CDON: variants seen among roughly 807,000 people sequenced by gnomAD.
CDON encodes cell adhesion molecule-related/down-regulated by oncogenes.
A neutral mutation model predicts 120.9 loss-of-function variants in CDON; 73 were observed. That is an observed-to-expected ratio of 0.60 (90% CI 0.50 to 0.73). CDON has a LOEUF of 0.73. Among genes scored for constraint, CDON ranks in the 30% least tolerant of loss-of-function variants. The pLI is 0.00. For missense variants in CDON, 1,470 were observed against 1,587.3 expected, an observed-to-expected ratio of 0.93 and a Z score of 1.26; for synonymous variants, 566 against 573.5, an observed-to-expected ratio of 0.99 and a Z score of 0.19.
At chr11:125,978,886 A>C (rs1946215793) in intron 17 of CDON, among the ~76,000 whole-genome samples, 1 of 152,192 alleles carries the variant, frequency 6.6e-6, no homozygotes, top group Admixed American at 6.5e-5. Flanking sequence ...TGACAACGCT[A>C]AGTTTTAAAG....
intron 1 of CDON, among the ~76,000 whole-genome samples, chr11:126,033,178 G>C (rs1189532326): frequency 6.6e-6 from 1 of 152,220 alleles, no homozygotes; most frequent in Non-Finnish European, 1.5e-5. Context: ...AAGTGAGTGA[G>C]TGGATGATGT....
rs754427331 is a variant in CDON, at chr11:125,994,928, T to C, written c.2487A>G (p.Gly829=). The change falls in exon 13 of 20, where the codon GGA becomes GGG. Residue 829 remains glycine (G), a synonymous_variant. Coordinates refer to ENST00000531738, the MANE Select transcript of CDON (RefSeq NM_001378964.1). ...PNRFSSRPIT[G]PHIAYTEAVS... is the part of the protein sequence containing the mutation. Reference sequence around the variant, plus strand: ...CAGCCTCTGTGTATGCAATGTGAGGTCCAGTTATTGGACGGCTGGAAAAGC... The same window carrying C: ...CAGCCTCTGTGTATGCAATGTGAGGCCCAGTTATTGGACGGCTGGAAAAGC... The C allele has an allele frequency of 5.6e-6, 9 of 1,614,050 alleles. No individual in the cohort carries two copies. The highest frequency in any genetic ancestry group is 7.6e-6 in the Non-Finnish European group (9 of 1,179,984).
At position 126,010,638 on chromosome 11, in the gene CDON, C is replaced by T. The variant is rs760225821; in HGVS notation, c.1255G>A (p.Gly419Arg). The change falls in exon 8 of 20, where the codon GGA becomes AGA. Residue 419 changes from glycine to arginine, a missense_variant. Physicochemically the swap from Gly to Arg is moderately radical, Grantham distance 125 (BLOSUM62 -2). Transcript: ENST00000531738. ...TAPVSAKVAD[G>R]DFVTLSCNAS... The stretch of plus-strand genomic sequence containing the variant: ...TTGCAGGACAGAGTAACAAAGTCTC[C>T]GTCTGCAACCTTTGCACTTACTGGT... 26 of 1,614,006 alleles carry T rather than the reference C, an allele frequency of 1.6e-5. No homozygotes were observed. The Middle Eastern group carries it at 4.9e-4, about 31-fold the overall frequency.
Position 126,021,253 on chromosome 11 carries a change from A to T in CDON, c.344T>A (p.Val115Glu), listed in dbSNP as rs1947626246. ...AIVSGPATVS[V>E]AVLGDFGSST... ...AGGGACAAAATTAAACTCACCTGCCACAGATACTGTCGCAGGGCCACTCAC... is the reference window on the plus strand; with the variant it reads ...AGGGACAAAATTAAACTCACCTGCCTCAGATACTGTCGCAGGGCCACTCAC... Residue 115 changes from valine to glutamate, a missense_variant, in exon 3 of 20, where the codon GTG (valine) becomes GAG (glutamate). Coordinates refer to ENST00000531738, the MANE Select transcript of CDON (RefSeq NM_001378964.1). 1 of 1,613,818 alleles carries T rather than the reference A, an allele frequency of 6.2e-7. No homozygotes were observed. Among genetic ancestry groups the T allele is most frequent in the African/African-American group, 1.3e-5 (1 of 74,906 alleles).
intron 1 of CDON, among the ~76,000 whole-genome samples, chr11:126,032,083 C>T (rs1401838756): frequency 6.6e-6 from 1 of 152,220 alleles, no homozygotes; most frequent in African/African-American, 2.4e-5. Flanking sequence ...AATAGACATG[C>T]TTTACACTAA....
intron 1 of CDON, among the ~76,000 whole-genome samples, chr11:126,038,523 G>A (rs1015476213): frequency 1.3e-5 from 2 of 151,946 alleles, no homozygotes; most frequent in African/African-American, 4.8e-5. Context: ...ATGGTGGCGG[G>A]CACCTGTAAT....
At chr11:125,989,829 G>A (rs1946579749) in intron 14 of CDON, 70 bp from the exon 15 acceptor site, 6 of 1,444,062 alleles carry the variant, frequency 4.2e-6, no homozygotes, top group Non-Finnish European at 9.5e-7. Flanking sequence ...ATTAGTTAAT[G>A]TTTTCAGGAT....
intron 18 of CDON, among the ~76,000 whole-genome samples, chr11:125,970,259 C>G (rs1945940648): frequency 1.3e-5 from 2 of 149,970 alleles, no homozygotes; most frequent in South Asian, 2.1e-4. Context: ...ACCGCAACCT[C>G]TGCCTCCCGG....
chr11:126,035,763 T>C (rs746763599), intron 1 of CDON, among the ~76,000 whole-genome samples: 3 of 152,170 alleles, frequency 2.0e-5, no homozygotes, highest in Non-Finnish European at 4.4e-5. Flanking sequence ...ACCATCAGGA[T>C]ACAATGCCCT....
intron 1 of CDON, among the ~76,000 whole-genome samples, chr11:126,032,735 G>A (rs1447917744): frequency 3.9e-5 from 6 of 152,234 alleles, no homozygotes; most frequent in Admixed American, 6.5e-5. Context: ...GGCCAGGAGC[G>A]GTGGCATACA....
At chr11:126,016,346 G>A (rs1426943196) in intron 6 of CDON, among the ~76,000 whole-genome samples, 1 of 152,186 alleles carries the variant, frequency 6.6e-6, no homozygotes, top group Non-Finnish European at 1.5e-5. Context: ...AGAAATGTGG[G>A]TGGAAATAAT....
intron 1 of CDON, among the ~76,000 whole-genome samples, chr11:126,044,952 C>T (rs1948363556): frequency 6.6e-6 from 1 of 152,294 alleles, no homozygotes; most frequent in African/African-American, 2.4e-5. Context: ...TCATTACACA[C>T]TGTTATGCCT....
At chr11:126,054,855 A>G (rs1308638525) in intron 1 of CDON, among the ~76,000 whole-genome samples, 1 of 152,184 alleles carries the variant, frequency 6.6e-6, no homozygotes, top group African/African-American at 2.4e-5. Context: ...TAAGGAATAA[A>G]GGGGAGACTG....
chr11:126,021,148 C>G, intron 3 of CDON, 100 bp downstream of exon 3: 1 of 1,291,704 alleles, frequency 7.7e-7, no homozygotes, highest in South Asian at 1.3e-5. Context: ...CTCCTATATG[C>G]TTTACACCAA....
intron 14 of CDON, among the ~76,000 whole-genome samples, chr11:125,991,696 G>C (rs918314664): frequency 6.6e-6 from 1 of 151,910 alleles, no homozygotes; most frequent in East Asian, 1.9e-4. Context: ...GAATACTTCT[G>C]TTCCTGTGAT....
intron 19 of CDON, 165 bp downstream of exon 19, chr11:125,961,554 TTTATC>T (rs1244651754): frequency 7.8e-6 from 6 of 772,966 alleles, no homozygotes; most frequent in African/African-American, 7.0e-5. Flanking sequence ...CAAAGAATCC[TTTATC>T]TTGAGTCCTA....
intron 1 of CDON, among the ~76,000 whole-genome samples, chr11:126,043,223 C>T (rs1948312753): frequency 6.6e-6 from 1 of 152,072 alleles, no homozygotes; most frequent in Admixed American, 6.5e-5. Flanking sequence ...TTCACTTGGG[C>T]CTCTGGTTGG....
At chr11:126,007,734 G>A (rs943984257) in intron 8 of CDON, among the ~76,000 whole-genome samples, 2 of 152,164 alleles carry the variant, frequency 1.3e-5, no homozygotes, top group Admixed American at 6.5e-5. Context: ...AAGATGCAAT[G>A]AGACCTCTCC....
intron 13 of CDON, 113 bp downstream of exon 13, chr11:125,994,758 C>T (rs1946730001): frequency 2.2e-6 from 2 of 889,698 alleles, no homozygotes; most frequent in African/African-American, 3.3e-5. Context: ...CTTGCACTTC[C>T]CCTCAATTAA....
Sources: allele counts gnomAD v4.1 joint callset (sites outside exome capture counted in the v4.1 genomes callset), GRCh38; gene constraint gnomAD v4.1.1; transcripts MANE v1.5; gene names NCBI Gene and HGNC (gene_info 2026-07-23, HGNC 2026-07-21).